The following BACH2 variants were observed in gnomAD, a reference collection of about 807,000 sequenced individuals.
BACH2 encodes transcription regulator protein BACH2.
A neutral mutation model predicts 61.8 loss-of-function variants in BACH2; 5 were observed. The observed-to-expected ratio is 0.08, with a 90% CI of 0.04 to 0.17. The LOEUF (loss-of-function observed/expected upper bound fraction) is 0.17, where lower values mean the gene tolerates loss of function less well. Ranked by LOEUF, BACH2 falls within the 10% of genes least tolerant of loss-of-function variation. BACH2 has a pLI of 1.00. For missense variants in BACH2, 824 were observed against 1,091.1 expected (o/e 0.76, Z 3.45); for synonymous variants, 446 against 440.1 (o/e 1.01, Z -0.17).
chr6:90,222,036 T>C (rs989259112), intron 3 of BACH2, among the ~76,000 whole-genome samples: 1 of 152,188 alleles, frequency 6.6e-6, no homozygotes. Flanking sequence ...TACTTAATAT[T>C]ATAGAAAAAA....
chr6:90,052,364 T>C (rs1582270023), intron 5 of BACH2, among the ~76,000 whole-genome samples: 1 of 151,370 alleles, frequency 6.6e-6, no homozygotes, highest in African/African-American at 2.5e-5. Context: ...ACCTTATCAA[T>C]AGGTAGTGCT....
chr6:90,166,112 G>A lies in BACH2; in HGVS notation c.-162+40457C>T, dbSNP rs551314064. ...CACAGCAAAAGAAACTACCATCAGA[G>A]TGAACAGGCAACCTACAAAATGGGA... On this transcript the variant is annotated intron_variant, in intron 4 of 8. Transcript: ENST00000257749. Among the ~76,000 whole-genome samples the A allele has an allele frequency of 1.5e-4, 23 of 152,264 alleles. No individual in the cohort carries two copies. The South Asian group carries it at 1.9e-3, about 12-fold the overall frequency.
At chr6:90,118,812 ACAGTC>A (rs1045823510) in intron 4 of BACH2, among the ~76,000 whole-genome samples, 3 of 152,176 alleles carry the variant, frequency 2.0e-5, no homozygotes, top group African/African-American at 4.8e-5. Context: ...ACAGTACAGT[ACAGTC>A]ATTAAGGCGT....
chr6:90,168,212 G>C (rs1320260586), intron 4 of BACH2, among the ~76,000 whole-genome samples: 1 of 152,098 alleles, frequency 6.6e-6, no homozygotes, highest in Non-Finnish European at 1.5e-5. Flanking sequence ...AGAAAAATTA[G>C]TCAGGTGTGG....
chr6:89,976,526 C>A (rs1028894686), intron 6 of BACH2, among the ~76,000 whole-genome samples: 2 of 152,312 alleles, frequency 1.3e-5, no homozygotes, highest in Middle Eastern at 3.4e-3. Flanking sequence ...TGTGTGTGGG[C>A]AGGAAAAGGG....
intron 4 of BACH2, among the ~76,000 whole-genome samples, chr6:90,092,460 T>A (rs1447319664): frequency 6.6e-6 from 1 of 151,922 alleles, no homozygotes; most frequent in Non-Finnish European, 1.5e-5. Flanking sequence ...GTTTATAGTT[T>A]TCCAAGCCAC....
intron 1 of BACH2, among the ~76,000 whole-genome samples, chr6:90,293,608 G>A (rs927103263): frequency 2.0e-5 from 3 of 152,166 alleles, no homozygotes; most frequent in African/African-American, 7.2e-5. Context: ...CTGACCATCT[G>A]GCCCTCTGTG....
At chr6:90,293,853 T>C (rs1772256003) in intron 1 of BACH2, among the ~76,000 whole-genome samples, 1 of 152,212 alleles carries the variant, frequency 6.6e-6, no homozygotes, top group African/African-American at 2.4e-5. Flanking sequence ...ATCCAGGGAT[T>C]TCAAGGCAGT....
intron 1 of BACH2, among the ~76,000 whole-genome samples, chr6:90,287,437 C>T (rs1002116006): frequency 1.3e-5 from 2 of 152,016 alleles, no homozygotes; most frequent in African/African-American, 2.4e-5. Context: ...AGGTTCATTG[C>T]TACTGAATAA....
chr6:90,288,603 A>G (rs644940), intron 1 of BACH2, among the ~76,000 whole-genome samples: 102,272 of 151,912 alleles, frequency 0.67, 35,582 homozygotes, highest in African/African-American at 0.86. Flanking sequence ...TTACTGCCAT[A>G]CCAACTGCCT....
chr6:89,964,773 A>C (rs1008572552), intron 6 of BACH2, among the ~76,000 whole-genome samples: 4 of 144,654 alleles, frequency 2.8e-5, no homozygotes, highest in Non-Finnish European at 6.3e-5. Context: ...TCCTGACAAT[A>C]GGACCCATAA....
chr6:90,191,367 C>CT (rs1768564875), intron 4 of BACH2, among the ~76,000 whole-genome samples: 2 of 152,338 alleles, frequency 1.3e-5, no homozygotes. Context: ...TAGAGACTTG[C>CT]TTTAATGATT....
intron 4 of BACH2, among the ~76,000 whole-genome samples, chr6:90,096,058 A>G (rs1287578269): frequency 6.6e-6 from 1 of 152,196 alleles, no homozygotes; most frequent in Non-Finnish European, 1.5e-5. Flanking sequence ...TGCGAAGGAA[A>G]CATGACCACT....
At chr6:90,001,411 G>A (rs1321480692) in intron 6 of BACH2, 1 of 152,210 alleles carries the variant, frequency 6.6e-6, no homozygotes, top group Admixed American at 6.5e-5. Context: ...GGAGCAGTGA[G>A]GGAGGGAAAC....
At chr6:90,091,183 T>C (rs1218604041) in intron 4 of BACH2, among the ~76,000 whole-genome samples, 1 of 152,192 alleles carries the variant, frequency 6.6e-6, no homozygotes, top group Non-Finnish European at 1.5e-5. Flanking sequence ...TGCCTAGCTA[T>C]ATATCACAAG....
intron 3 of BACH2, among the ~76,000 whole-genome samples, chr6:90,217,571 C>T (rs567132068): frequency 2.6e-4 from 39 of 152,190 alleles, no homozygotes; most frequent in African/African-American, 8.9e-4. Context: ...CTCATCCACG[C>T]GGCATATTTT....
chr6:89,927,896 T>C lies in BACH2; in HGVS notation c.*4512A>G, dbSNP rs1205305791. The C allele has an allele frequency of 6.6e-6, 1 of 152,574 alleles. No individual in the cohort carries two copies. Among genetic ancestry groups the C allele is most frequent in the African/African-American group, 2.4e-5 (1 of 41,474 alleles). 9.5% of individuals were successfully genotyped at this position (152,574 alleles called of 1,614,324 possible). Reference sequence around the variant, plus strand: ...ATTTGTGTACAGATATGTTCTGTTCTACAGCATCGGTTTTGGACGCTGGGG... The same window carrying C: ...ATTTGTGTACAGATATGTTCTGTTCCACAGCATCGGTTTTGGACGCTGGGG... On this transcript the variant is annotated 3_prime_UTR_variant, in exon 9 of 9. Coordinates refer to ENST00000257749, the MANE Select transcript of BACH2 (RefSeq NM_021813.4).
At chr6:90,200,966 T>C (rs1768937397) in intron 4 of BACH2, among the ~76,000 whole-genome samples, 1 of 152,182 alleles carries the variant, frequency 6.6e-6, no homozygotes, top group Non-Finnish European at 1.5e-5. Flanking sequence ...TCTGTGTGCA[T>C]ACTGTACCTT....
chr6:90,115,478 TGAAG>T (rs1429088208), intron 4 of BACH2, among the ~76,000 whole-genome samples: 1 of 152,164 alleles, frequency 6.6e-6, no homozygotes, highest in Non-Finnish European at 1.5e-5. Flanking sequence ...TGCAGAAGAT[TGAAG>T]CTGGACCCCT....
Sources: allele counts gnomAD v4.1 joint callset (sites outside exome capture counted in the v4.1 genomes callset), GRCh38; gene constraint gnomAD v4.1.1; transcripts MANE v1.5; gene names NCBI Gene and HGNC (gene_info 2026-07-23, HGNC 2026-07-21).